MET: variants seen among roughly 807,000 people sequenced by gnomAD.
The protein encoded by MET is hepatocyte growth factor receptor.
Under a neutral mutation model 133.1 loss-of-function variants are expected in MET, and 48 were observed. The ratio of observed to expected loss-of-function variants is 0.36; its 90% confidence interval spans 0.29 to 0.46. MET has a LOEUF of 0.46. Ranked by LOEUF, MET falls within the 20% of genes least tolerant of loss-of-function variation. The pLI, the probability that MET is intolerant of heterozygous loss-of-function variation, is 1.00. For synonymous variants in MET, 628 were observed against 616.5 expected, an observed-to-expected ratio of 1.02 and a Z score of -0.28; for missense variants, 1,442 against 1,695.9, an observed-to-expected ratio of 0.85 and a Z score of 2.63.
In MET at chr7:116,782,066, G is replaced by A. The variant is rs778646229; in HGVS notation, c.3601G>A (p.Val1201Ile). ...GMKYLASKKFVHRDLAARNCM... is the reference protein window; with the variant it reads ...GMKYLASKKFIHRDLAARNCM... ...GAAATATCTTGCAAGCAAAAAGTTTGTCCACAGAGACTTGGCTGCAAGAAA... is the reference window on the plus strand; with the variant it reads ...GAAATATCTTGCAAGCAAAAAGTTTATCCACAGAGACTTGGCTGCAAGAAA... Residue 1201 changes from valine (V) to isoleucine (I), a missense_variant, in exon 18 of 21, where the codon GTC becomes ATC. Coordinates refer to ENST00000397752, the MANE Select transcript of MET (RefSeq NM_000245.4). 8.7e-6 allele frequency: 14 copies of A among 1,613,452 alleles called. No individual in the cohort carries two copies. In the South Asian group the frequency reaches 1.1e-4, roughly 13 times the overall value.
At chr7:116,733,285 G>A (rs142169934) in intron 3 of MET, among the ~76,000 whole-genome samples, 107 of 151,272 alleles carry the variant, frequency 7.1e-4, no homozygotes, top group Middle Eastern at 7.0e-3. Context: ...TAGAAAAGCT[G>A]GCATCTATTG....
At chr7:116,701,462 C>T (rs556013284) in intron 2 of MET, among the ~76,000 whole-genome samples, 3 of 152,116 alleles carry the variant, frequency 2.0e-5, no homozygotes, top group Non-Finnish European at 4.4e-5. Flanking sequence ...GCTGAAATGT[C>T]TGGGACACTT....
chr7:116,784,416 GA>G (rs1459864578), intron 19 of MET, among the ~76,000 whole-genome samples: 1 of 152,180 alleles, frequency 6.6e-6, no homozygotes, highest in African/African-American at 2.4e-5. Flanking sequence ...CTTATAAAAA[GA>G]GATTTAATTG....
At chr7:116,706,979 A>G (rs952207512) in intron 2 of MET, among the ~76,000 whole-genome samples, 35 of 150,230 alleles carry the variant, frequency 2.3e-4, no homozygotes, top group Non-Finnish European at 3.5e-4. Context: ...ATTTTTTTCT[A>G]ACTAAAATGT....
intron 2 of MET, among the ~76,000 whole-genome samples, chr7:116,712,191 T>C (rs750514432): frequency 1.3e-5 from 2 of 152,252 alleles, no homozygotes; most frequent in Non-Finnish European, 2.9e-5. Flanking sequence ...ACTCATTTTG[T>C]CAAGTGAACA....
chr7:116,777,311 G>A, intron 15 of MET, 78 bp from the exon 16 acceptor site: 1 of 1,187,122 alleles, frequency 8.4e-7, no homozygotes, highest in South Asian at 1.2e-5. Context: ...ATAAAATGAA[G>A]CTCATAAAGG....
At chr7:116,770,166 G>C (rs1351083834) in intron 12 of MET, among the ~76,000 whole-genome samples, 1 of 152,132 alleles carries the variant, frequency 6.6e-6, no homozygotes, top group Non-Finnish European at 1.5e-5. Flanking sequence ...CTAATGCATA[G>C]AGTCCCATAA....
In MET at chr7:116,672,359, G is replaced by A. The variant is rs1321441526; in HGVS notation, c.-233G>A. ...AAGGGGCGGAGGGAGTGCGGCCGGC[G>A]GGCGGGCGGGGCGCTGGGCTCAGCC... is the stretch of plus-strand genomic sequence containing the variant. On this transcript the variant is annotated 5_prime_UTR_variant, in exon 1 of 21. Coordinates refer to ENST00000397752, the MANE Select transcript of MET (RefSeq NM_000245.4). 2.9e-6 allele frequency: 1 copy of A among 342,494 alleles called. No homozygotes were observed. Among genetic ancestry groups the A allele is most frequent in the Non-Finnish European group, 5.3e-6 (1 of 190,086 alleles). 21.2% of individuals were successfully genotyped at this position (342,494 alleles called of 1,614,324 possible).
intron 12 of MET, 115 bp downstream of exon 12, chr7:116,769,906 A>G: frequency 7.1e-7 from 1 of 1,406,504 alleles, no homozygotes; most frequent in Non-Finnish European, 9.9e-7. Flanking sequence ...TGGCTCATCA[A>G]CTCAGCCTGC....
At position 116,699,982 on chromosome 7, in the gene MET, C is replaced by T. The variant is rs2116600536; in HGVS notation, c.898C>T (p.Leu300Phe). Residue 300 changes from leucine to phenylalanine, a missense_variant, in exon 2 of 21, where the codon CTC (leucine) becomes TTC (phenylalanine). Physicochemically the swap from Leu to Phe is conservative, Grantham distance 22. Transcript: ENST00000397752. ...SYMEMPLECI[L>F]TEKRKKRSTK... is the part of the protein sequence containing the mutation. The stretch of plus-strand genomic sequence containing the variant: ...CATGGAAATGCCTCTGGAGTGTATT[C>T]TCACAGAAAAGAGAAAAAAGAGATC... 1 of 1,613,956 alleles carries T rather than the reference C, an allele frequency of 6.2e-7. No individual in the cohort carries two copies.
At chr7:116,674,435 T>C (rs1562869810) in intron 1 of MET, among the ~76,000 whole-genome samples, 1 of 152,146 alleles carries the variant, frequency 6.6e-6, no homozygotes, top group South Asian at 2.1e-4. Flanking sequence ...TAAAAAAAAA[T>C]TGTCTTAATG....
intron 14 of MET, 84 bp from the exon 15 acceptor site, chr7:116,774,797 T>A: frequency 2.0e-6 from 2 of 1,010,610 alleles, no homozygotes; most frequent in Non-Finnish European, 3.1e-6. Flanking sequence ...TCAAACTAAT[T>A]CCATTATAAA....
intron 2 of MET, among the ~76,000 whole-genome samples, chr7:116,721,985 T>C (rs1315323526): frequency 1.3e-5 from 2 of 150,730 alleles, no homozygotes; most frequent in African/African-American, 4.8e-5. Context: ...GAGAGTTCTG[T>C]AGATGTCTAT....
intron 15 of MET, among the ~76,000 whole-genome samples, chr7:116,775,421 G>C (rs1018792989): frequency 2.6e-5 from 4 of 152,092 alleles, no homozygotes; most frequent in Admixed American, 6.5e-5. Flanking sequence ...CTAAAACTCA[G>C]GGCCAGGCGC....
intron 19 of MET, among the ~76,000 whole-genome samples, chr7:116,791,609 C>T (rs1795497846): frequency 1.3e-5 from 2 of 151,574 alleles, no homozygotes; most frequent in African/African-American, 4.9e-5. Context: ...TTGAATTGTT[C>T]GAGTTCTCTG....
chr7:116,755,002 A>AAG lies in MET; in HGVS notation c.1702-351_1702-350dup, dbSNP rs1246856635. Among the ~76,000 whole-genome samples, 9 of 149,086 alleles carry AAG rather than the reference A, an allele frequency of 6.0e-5. No individual in the cohort carries two copies. The Admixed American group carries it at 6.1e-4, about 10-fold the overall frequency. On this transcript the variant is annotated intron_variant, in intron 5 of 20. Coordinates refer to ENST00000397752, the MANE Select transcript of MET (RefSeq NM_000245.4). ...GAGAAAGGAAAGAAAGAAAGAAAGA[A>AAG]AGAAAGAAAGAAAGAAAGAAAGAAA...
chr7:116,785,180 C>T (rs532985036), intron 19 of MET, among the ~76,000 whole-genome samples: 1 of 152,376 alleles, frequency 6.6e-6, no homozygotes, highest in Non-Finnish European at 1.5e-5. Context: ...CAGGGCTCAG[C>T]CCCATGGCTG....
chr7:116,796,654 G>A lies in MET; in HGVS notation c.*530G>A, dbSNP rs185897782. ...CCTTTTAAATGTTTGTTTGTTTTTT[G>A]AGACAGGATCTCACTCTGTTGCCAG... On this transcript the variant is annotated 3_prime_UTR_variant, in exon 21 of 21. Coordinates refer to ENST00000397752, the MANE Select transcript of MET (RefSeq NM_000245.4). 42 of 262,530 alleles carry A rather than the reference G, an allele frequency of 1.6e-4. No individual in the cohort carries two copies. In the East Asian group the frequency reaches 2.4e-3, roughly 15 times the overall value. The allele number at this position is 262,530 out of a possible 1,614,324, so 16.3% of individuals were successfully genotyped here. A position where few individuals can be genotyped will look rare whatever the true frequency, so the allele number is the denominator to read the frequency against.
intron 2 of MET, among the ~76,000 whole-genome samples, chr7:116,707,764 A>C (rs1791854501): frequency 6.6e-6 from 1 of 152,170 alleles, no homozygotes; most frequent in South Asian, 2.1e-4. Context: ...GGAGATTACA[A>C]GCACTAATGC....
Sources: allele counts gnomAD v4.1 joint callset (sites outside exome capture counted in the v4.1 genomes callset), GRCh38; gene constraint gnomAD v4.1.1; transcripts MANE v1.5; gene names NCBI Gene and HGNC (gene_info 2026-07-23, HGNC 2026-07-21).